The following GZMH variants were observed in gnomAD, a reference collection of about 807,000 sequenced individuals.
GZMH encodes the protein cathepsin G-like 2, protein h-CCPX.
A neutral mutation model predicts 20.7 loss-of-function variants in GZMH; 24 were observed. The ratio of observed to expected loss-of-function variants is 1.16; its 90% CI spans 0.84 to 1.63. The LOEUF (loss-of-function observed/expected upper bound fraction) is 1.63, where lower values mean the gene tolerates loss of function less well. Among genes scored for constraint, GZMH ranks in the 40% most tolerant of loss-of-function variants. GZMH has a pLI of 0.00. For synonymous variants in GZMH, 119 were observed against 116.1 expected (o/e 1.02, Z -0.16); for missense variants, 344 against 302.7 (o/e 1.14, Z -1.01).
At chr14:24,606,952 G>C (rs2066873456) in intron 4 of GZMH, among the ~76,000 whole-genome samples, 197 bp downstream of exon 4, 1 of 152,146 alleles carries the variant, frequency 6.6e-6, no homozygotes, top group African/African-American at 2.4e-5. Context: ...GGTGATAAGT[G>C]ACTGTCGGAT....
intron 1 of GZMH, 22 bp from the exon 2 acceptor site, chr14:24,608,434 T>C (rs1234518370): frequency 6.2e-7 from 1 of 1,613,476 alleles, no homozygotes; most frequent in African/African-American, 1.3e-5. Flanking sequence ...GACTGGAAGA[T>C]AAAGTAGCTG....
At chr14:24,608,234 A>T (rs1338886772) in intron 2 of GZMH, 31 bp downstream of exon 2, 2 of 1,613,042 alleles carry the variant, frequency 1.2e-6, no homozygotes, top group South Asian at 2.2e-5. Context: ...TGTAGGGGGA[A>T]CTCAGGAGGT....
intron 1 of GZMH, 34 bp downstream of exon 1, chr14:24,609,525 G>A (rs1369593047): frequency 3.4e-6 from 5 of 1,476,926 alleles, no homozygotes; most frequent in Non-Finnish European, 4.6e-6. Context: ...TTATAAGATG[G>A]GTTCAGGCCT....
At chr14:24,609,501 G>T in intron 1 of GZMH, 58 bp downstream of exon 1, 2 of 1,144,864 alleles carry the variant, frequency 1.7e-6, no homozygotes, top group South Asian at 1.6e-5. Flanking sequence ...CAGTGCTCAT[G>T]GGTACAGGGT....
At position 24,607,684 on chromosome 14, in the gene GZMH, G is replaced by A. The variant is rs2066881016; in HGVS notation, c.267C>T (p.Ile89=). 2 of 1,613,724 alleles carry A rather than the reference G, an allele frequency of 1.2e-6. No homozygotes were observed. Among genetic ancestry groups the A allele is most frequent in the Admixed American group, 1.7e-5 (1 of 59,996 alleles). The change falls in exon 3 of 5, where the codon ATC becomes ATT. Residue 89 remains isoleucine, a synonymous_variant. Transcript: ENST00000216338. ...IKEQERTQQF[I]PVKRPIPHPA... is the part of the protein sequence containing the mutation. ...GATGGGGGATGGGTCTTTTCACAGG[G>A]ATAAACTGCTGGGTCCGCTCCTGTT...
At position 24,607,358 on chromosome 14, in the gene GZMH, G is replaced by T. The variant is rs1213784550; in HGVS notation, c.388C>A (p.Pro130Thr). The T allele has an allele frequency of 6.2e-7, 1 of 1,609,762 alleles. No homozygotes were observed. Reference sequence around the variant, plus strand: ...GGCTTCACCTGGGCCTTGCTGCTAGGTAGCCTGAGAGGCCGCACAGCTGTG... The same window carrying T: ...GGCTTCACCTGGGCCTTGCTGCTAGTTAGCCTGAGAGGCCGCACAGCTGTG... ...WTTAVRPLRL[P>T]SSKAQVKPGQ... Residue 130 changes from proline (P) to threonine (T), a missense_variant, in exon 4 of 5, where the codon CCT becomes ACT. Pro to Thr is a conservative substitution (Grantham distance 38, BLOSUM62 -1). Transcript: ENST00000216338.
At chr14:24,607,112 C>T (rs1218446226) in intron 4 of GZMH, 37 bp downstream of exon 4, 2 of 1,591,736 alleles carry the variant, frequency 1.3e-6, no homozygotes, top group Non-Finnish European at 1.7e-6. Flanking sequence ...GTTCCTCTCT[C>T]CCTGTGGTCT....
Position 24,606,496 on chromosome 14 carries a change from G to T in GZMH, c.*107C>A, listed in dbSNP as rs1321597935. ...AGACTTCAGTCATATTTACACCAGA[G>T]ATCCATTTATTACAGTCCTGCAACC... On this transcript the variant is annotated 3_prime_UTR_variant, in exon 5 of 5. Transcript: ENST00000216338. 2.2e-6 allele frequency: 2 copies of T among 902,548 alleles called. No homozygotes were observed. Among genetic ancestry groups the T allele is most frequent in the Non-Finnish European group, 3.5e-6 (2 of 575,978 alleles). The allele number at this position is 902,548 out of a possible 1,614,324, so 55.9% of individuals were successfully genotyped here. A position where few individuals can be genotyped will look rare whatever the true frequency, so the allele number is the denominator to read the frequency against.
At chr14:24,607,041 C>T in intron 4 of GZMH, 108 bp downstream of exon 4, 2 of 1,207,424 alleles carry the variant, frequency 1.7e-6, no homozygotes, top group Non-Finnish European at 2.4e-6. Context: ...ACACAGGCTG[C>T]CCAAGCTCTG....
chr14:24,608,218 G>T (rs1169278598), intron 2 of GZMH, 47 bp downstream of exon 2: 1 of 1,606,052 alleles, frequency 6.2e-7, no homozygotes, highest in Admixed American at 1.7e-5. Context: ...AGAAAACAAG[G>T]GTCCCTGTAG....
chr14:24,607,411 T>TG lies in GZMH; in HGVS notation c.340-6dup. 1.3e-6 allele frequency: 2 copies of TG among 1,589,214 alleles called. No homozygotes were observed. The highest frequency in any genetic ancestry group is 8.6e-7 in the Non-Finnish European group (1 of 1,164,274). On this transcript the variant is annotated splice_region_variant and splice_polypyrimidine_tract_variant and intron_variant, in intron 3 of 4. Coordinates refer to ENST00000216338, the MANE Select transcript of GZMH (RefSeq NM_033423.5). ...CCACTTGGCCTTTCTCTCCAGCTGG[T>TG]GGGGAAGAAGCAAGAAAGTCCAGGT...
chr14:24,608,122 CT>C (rs2066884820), intron 2 of GZMH, 142 bp downstream of exon 2: 1 of 863,406 alleles, frequency 1.2e-6, no homozygotes, highest in East Asian at 2.4e-5. Context: ...CATCTTAGTC[CT>C]ATTCCCAGGT....
intron 4 of GZMH, 81 bp from the exon 5 acceptor site, chr14:24,606,827 G>A: frequency 3.1e-6 from 4 of 1,291,904 alleles, no homozygotes; most frequent in Non-Finnish European, 4.4e-6. Context: ...TGACATCAGT[G>A]CCAGGCAGGC....
At chr14:24,607,015 A>G (rs1241952832) in intron 4 of GZMH, 134 bp downstream of exon 4, 3 of 938,174 alleles carry the variant, frequency 3.2e-6, no homozygotes, top group Non-Finnish European at 4.9e-6. Context: ...TGGACTAAAG[A>G]CTAGATTCCA....
chr14:24,608,490 A>G, intron 1 of GZMH, 78 bp from the exon 2 acceptor site: 1 of 1,519,020 alleles, frequency 6.6e-7, no homozygotes, highest in South Asian at 1.2e-5. Context: ...ACAGTGATTG[A>G]GGGTGAAGTG....
intron 3 of GZMH, 97 bp downstream of exon 3, chr14:24,607,515 C>T (rs936631545): frequency 9.4e-6 from 15 of 1,603,210 alleles, no homozygotes; most frequent in Admixed American, 1.7e-5. Context: ...AGGAACTGAC[C>T]AAGAGGTCAG....
chr14:24,607,889 G>A (rs2066883245), intron 2 of GZMH, 142 bp from the exon 3 acceptor site: 2 of 1,192,182 alleles, frequency 1.7e-6, no homozygotes, highest in Non-Finnish European at 2.4e-6. Flanking sequence ...AGGGCTGAGT[G>A]ACTGTGCCCT....
chr14:24,608,190 TG>T, intron 2 of GZMH, 74 bp downstream of exon 2: 1 of 1,529,596 alleles, frequency 6.5e-7, no homozygotes, highest in South Asian at 1.2e-5. Flanking sequence ...GAAGCTCCCC[TG>T]GGCTGCAGTC....
chr14:24,608,142 C>T lies in GZMH; in HGVS notation c.203+123G>A, dbSNP rs1032490789. ...TAGTCCTATTCCCAGGTGGCTGCTC[C>T]GATGAGCTTTCATGGGCTTGTGTTA... is the stretch of plus-strand genomic sequence containing the variant. On this transcript the variant is annotated intron_variant, in intron 2 of 4. Transcript: ENST00000216338. 1.5e-4 allele frequency: 164 copies of T among 1,066,790 alleles called. 1 individual carries two copies. Among genetic ancestry groups the T allele is most frequent in the Non-Finnish European group, 9.1e-5 (66 of 722,636 alleles). 66.1% of individuals were successfully genotyped at this position (1,066,790 alleles called of 1,614,324 possible). A position where few individuals can be genotyped will look rare whatever the true frequency, so the allele number is the denominator to read the frequency against.
Sources: allele counts gnomAD v4.1 joint callset (sites outside exome capture counted in the v4.1 genomes callset), GRCh38; gene constraint gnomAD v4.1.1; transcripts MANE v1.5; gene names NCBI Gene and HGNC (gene_info 2026-07-23, HGNC 2026-07-21).